APOOL: variants seen among roughly 807,000 people sequenced by gnomAD.
APOOL encodes the protein apolipoprotein O like.
APOOL carries 12 observed loss-of-function variants against 23.1 expected under a neutral mutation model. That is an observed-to-expected ratio of 0.52 (90% confidence interval 0.33 to 0.84). The LOEUF (loss-of-function observed/expected upper bound fraction) is 0.84. Ranked by LOEUF, APOOL falls within the 40% of genes least tolerant of loss-of-function variation. APOOL has a pLI of 0.02. For missense variants in APOOL, 212 were observed against 199.6 expected (o/e 1.06, Z -0.37); for synonymous variants, 77 against 69.9 (o/e 1.10, Z -0.51).
intron 6 of APOOL, among the ~76,000 whole-genome samples, chrX:85,073,141 CA>C (rs1361295086): frequency 2.7e-5 from 3 of 111,098 alleles, no homozygotes; most frequent in African/African-American, 9.8e-5. Flanking sequence ...CTTAACTTTT[CA>C]ACTGTAGGTA....
At position 85,088,317 on chromosome X, in the gene APOOL, T is replaced by G. The variant is rs1044582714; in HGVS notation, c.*639T>G. The G allele has an allele frequency of 7.8e-5, 3 of 38,591 alleles. No homozygotes were observed. Among genetic ancestry groups the G allele is most frequent in the African/African-American group, 2.1e-4 (1 of 4,796 alleles). 3.2% of individuals were successfully genotyped at this position (38,591 alleles called of 1,213,427 possible). On this transcript the variant is annotated 3_prime_UTR_variant, in exon 9 of 9. Coordinates refer to ENST00000373173, the MANE Select transcript of APOOL (RefSeq NM_198450.6). ...GTATGGAAAGGTGTGTTTCCCTCTGTTTTTTTTTTTTTTTTTTTTTTTTTT... is the reference window on the plus strand; with the variant it reads ...GTATGGAAAGGTGTGTTTCCCTCTGGTTTTTTTTTTTTTTTTTTTTTTTTT...
At chrX:85,041,566 G>A (rs767709481) in intron 1 of APOOL, among the ~76,000 whole-genome samples, 11 of 111,465 alleles carry the variant, frequency 9.9e-5, no homozygotes, top group African/African-American at 3.6e-4. Context: ...CTGGGGGCAT[G>A]TGAGAGAGTC....
intron 8 of APOOL, among the ~76,000 whole-genome samples, chrX:85,084,021 T>A (rs1446693792): frequency 2.7e-5 from 3 of 111,010 alleles, no homozygotes; most frequent in Non-Finnish European, 5.7e-5. Context: ...CAAGAAGAGT[T>A]TTATGACAGC....
intron 5 of APOOL, among the ~76,000 whole-genome samples, chrX:85,065,084 T>C (rs1323214368): frequency 8.9e-6 from 1 of 111,910 alleles, no homozygotes; most frequent in East Asian, 2.8e-4. Flanking sequence ...CATATATATT[T>C]AGGATAGTTA....
rs750735497 is a variant in APOOL at position 85,092,487 on chromosome X, A to G, written c.*4809A>G. On this transcript the variant is annotated 3_prime_UTR_variant, in exon 9 of 9. Coordinates refer to ENST00000373173, the MANE Select transcript of APOOL (RefSeq NM_198450.6). ...AAAGGTCTAAAGCCCCTCGACTAGT[A>G]TAGTAGTTGATAGAAGCCTGGTTCC... 52 of 1,207,752 alleles carry G rather than the reference A, an allele frequency of 4.3e-5. No homozygotes were observed. Among genetic ancestry groups the G allele is most frequent in the Non-Finnish European group, 5.5e-5 (49 of 893,808 alleles).
At chrX:85,009,880 A>G (rs1372795140) in intron 1 of APOOL, among the ~76,000 whole-genome samples, 1 of 111,539 alleles carries the variant, frequency 9.0e-6, no homozygotes, top group Non-Finnish European at 1.9e-5. Context: ...GCTCCCACTT[A>G]TAAGTAAGAA....
rs1205647509 is a variant in APOOL at position 85,092,644 on chromosome X, T to C, written c.*4966T>C. On this transcript the variant is annotated 3_prime_UTR_variant, in exon 9 of 9. Transcript: ENST00000373173. ...CACATATATTTTATTGAAGGTCTACTCTATGCAAGACACTATGTGTGAATA... is the reference window on the plus strand; with the variant it reads ...CACATATATTTTATTGAAGGTCTACCCTATGCAAGACACTATGTGTGAATA... 5 of 881,586 alleles carry C rather than the reference T, an allele frequency of 5.7e-6. No homozygotes were observed. The highest frequency in any genetic ancestry group is 6.3e-6 in the Non-Finnish European group (4 of 631,560). 72.7% of individuals were successfully genotyped at this position (881,586 alleles called of 1,213,427 possible).
In APOOL at chrX:85,003,939, C is replaced by G; in HGVS notation, c.15+12C>G. On this transcript the variant is annotated intron_variant, in intron 1 of 8. Coordinates refer to ENST00000373173, the MANE Select transcript of APOOL (RefSeq NM_198450.6). ...TGGCGGCCATCAGGGTAAGCGAAAA[C>G]CAACTTGCTTAATTTCTGTGGGTGC... 1.7e-6 allele frequency: 2 copies of G among 1,211,540 alleles called. No homozygotes were observed. Among genetic ancestry groups the G allele is most frequent in the Non-Finnish European group, 1.1e-6 (1 of 895,217 alleles).
rs748806450 is a variant in APOOL at position 85,033,848 on chromosome X, G to T, written c.16-12598G>T. On this transcript the variant is annotated intron_variant, in intron 1 of 8. Coordinates refer to ENST00000373173, the MANE Select transcript of APOOL (RefSeq NM_198450.6). The stretch of plus-strand genomic sequence containing the variant: ...GCTTTGTTGCTGGTTCTTTTCCTTT[G>T]CCAGCCATACTGTGCCTCTGGTACT... Among the ~76,000 whole-genome samples, 89 of 111,391 alleles carry T rather than the reference G, an allele frequency of 8.0e-4. 1 individual carries two copies. Among genetic ancestry groups the T allele is most frequent in the African/African-American group, 2.8e-3 (85 of 30,682 alleles).
intron 1 of APOOL, among the ~76,000 whole-genome samples, chrX:85,012,432 T>C (rs1290034972): frequency 9.0e-6 from 1 of 111,410 alleles, no homozygotes; most frequent in Non-Finnish European, 1.9e-5. Flanking sequence ...CAGGTCTCAT[T>C]GGAATGCTTT....
In APOOL at chrX:85,057,102, T is replaced by C. The variant is rs746828190; in HGVS notation, c.394+1177T>C. ...CATATGGATGTGCCACGGTTTACTT[T>C]ATCACTTAACCTGTTGGACATTTGG... On this transcript the variant is annotated intron_variant, in intron 5 of 8. Coordinates refer to ENST00000373173, the MANE Select transcript of APOOL (RefSeq NM_198450.6). 1.3e-4 allele frequency among the ~76,000 whole-genome samples: 14 copies of C among 111,952 alleles called. 1 individual carries two copies. The South Asian group carries it at 5.2e-3, about 41-fold the overall frequency.
chrX:85,035,007 C>T (rs1922168108), intron 1 of APOOL, among the ~76,000 whole-genome samples: 1 of 111,760 alleles, frequency 8.9e-6, no homozygotes, highest in African/African-American at 3.3e-5. Context: ...AATGATAGTT[C>T]TGTTTTAATT....
Position 85,086,979 on chromosome X carries a change from G to A in APOOL, c.719-611G>A, listed in dbSNP as rs112612601. On this transcript the variant is annotated intron_variant, in intron 8 of 8. Transcript: ENST00000373173. Reference sequence around the variant, plus strand: ...CTCCCAAAGTGCTAGGATTACAGGCGTGAGCCACCGCGCCCGGCCGAGTGA... The same window carrying A: ...CTCCCAAAGTGCTAGGATTACAGGCATGAGCCACCGCGCCCGGCCGAGTGA... Among the ~76,000 whole-genome samples, 423 of 111,073 alleles carry A rather than the reference G, an allele frequency of 3.8e-3. 3 individuals carry two copies. Among genetic ancestry groups the A allele is most frequent in the Non-Finnish European group, 6.9e-3 (368 of 52,965 alleles).
intron 1 of APOOL, among the ~76,000 whole-genome samples, chrX:85,026,794 A>G (rs1328022039): frequency 8.9e-6 from 1 of 111,806 alleles, no homozygotes. Context: ...TCAGCAGCCT[A>G]GAGTTCATTG....
rs1371354917 is a variant in APOOL, at chrX:85,092,450, C to T, written c.*4772C>T. ...CTGTTAAACCTGAAGAGATGCCAGCCCTCCTCAGAGGAAAGGTCTAAAGCC... is the reference window on the plus strand; with the variant it reads ...CTGTTAAACCTGAAGAGATGCCAGCTCTCCTCAGAGGAAAGGTCTAAAGCC... On this transcript the variant is annotated 3_prime_UTR_variant, in exon 9 of 9. Coordinates refer to ENST00000373173, the MANE Select transcript of APOOL (RefSeq NM_198450.6). 8.3e-7 allele frequency: 1 copy of T among 1,200,365 alleles called. No individual in the cohort carries two copies. Among genetic ancestry groups the T allele is most frequent in the Admixed American group, 2.2e-5 (1 of 44,981 alleles).
Position 85,087,961 on chromosome X carries a change from A to C in APOOL, c.*283A>C. The stretch of plus-strand genomic sequence containing the variant: ...AGGGCACTTAAAAAAAAATGAAGAC[A>C]TGAATTCTAGTGAGATTAAAATCTA... On this transcript the variant is annotated 3_prime_UTR_variant, in exon 9 of 9. Coordinates refer to ENST00000373173, the MANE Select transcript of APOOL (RefSeq NM_198450.6). 2 of 162,662 alleles carry C rather than the reference A, an allele frequency of 1.2e-5. No individual in the cohort carries two copies. The highest frequency in any genetic ancestry group is 3.1e-5 in the African/African-American group (1 of 32,600). 13.4% of individuals were successfully genotyped at this position (162,662 alleles called of 1,213,427 possible).
At chrX:85,020,218 C>T (rs965030572) in intron 1 of APOOL, among the ~76,000 whole-genome samples, 2 of 111,627 alleles carry the variant, frequency 1.8e-5, no homozygotes, top group Non-Finnish European at 3.8e-5. Flanking sequence ...AACATCAATT[C>T]GAAGATCCCT....
intron 1 of APOOL, among the ~76,000 whole-genome samples, chrX:85,016,076 C>T (rs989771564): frequency 9.1e-6 from 1 of 110,165 alleles, no homozygotes; most frequent in Non-Finnish European, 1.9e-5. Context: ...ATCTCATTCT[C>T]TCATGGCATA....
chrX:85,075,261 A>G (rs1343910507), intron 8 of APOOL, among the ~76,000 whole-genome samples: 1 of 110,985 alleles, frequency 9.0e-6, no homozygotes, highest in Non-Finnish European at 1.9e-5. Context: ...AAGCAAAACA[A>G]AAACCTCTGC....
Sources: allele counts gnomAD v4.1 joint callset (sites outside exome capture counted in the v4.1 genomes callset), GRCh38; gene constraint gnomAD v4.1.1; transcripts MANE v1.5; gene names NCBI Gene and HGNC (gene_info 2026-07-23, HGNC 2026-07-21).